Variants in SAMD5 observed in about 807,000 individuals in gnomAD.
The protein encoded by SAMD5 is sterile alpha motif domain-containing protein 5.
A neutral mutation model predicts 11.3 loss-of-function variants in SAMD5; 13 were observed. That is an observed-to-expected ratio of 1.15 (90% CI 0.75 to 1.83). The LOEUF is 1.83. SAMD5 is among the 40% of genes most tolerant of loss of function. SAMD5 has a pLI of 0.00. For synonymous variants in SAMD5, 129 were observed against 111.3 expected (o/e 1.16, Z -1.00); for missense variants, 255 against 239.1 (o/e 1.07, Z -0.44).
chr6:147,616,266 C>T (rs1245857889), intron 1 of SAMD5, among the ~76,000 whole-genome samples: 1 of 136,832 alleles, frequency 7.3e-6, no homozygotes, highest in Non-Finnish European at 1.5e-5. Context: ...ATATATATTT[C>T]ATATATATTT....
At chr6:147,767,221 A>G in the SAMD5 span, among the ~76,000 whole-genome samples, 1 of 152,190 alleles carries the variant, frequency 6.6e-6, no homozygotes, top group Non-Finnish European at 1.5e-5. Context: ...CTGTGCAGAA[A>G]GTTTACTGAG....
the SAMD5 span, among the ~76,000 whole-genome samples, chr6:147,901,092 G>A: frequency 3.3e-5 from 5 of 152,124 alleles, no homozygotes; most frequent in Admixed American, 2.6e-4. Context: ...CACTCTGAGC[G>A]AGTCAGTTAA....
chr6:147,941,484 C>T, the SAMD5 span, among the ~76,000 whole-genome samples: 1 of 152,200 alleles, frequency 6.6e-6, no homozygotes, highest in South Asian at 2.1e-4. Context: ...ATCATGGAGG[C>T]TTTCAACTGC....
the SAMD5 span, among the ~76,000 whole-genome samples, chr6:147,841,207 A>G: frequency 6.6e-5 from 10 of 152,172 alleles, no homozygotes; most frequent in African/African-American, 2.4e-4. Context: ...GATATCATCC[A>G]GAGGAGCATT....
chr6:147,511,992 G>T (rs1427747815), intron 1 of SAMD5, among the ~76,000 whole-genome samples: 1 of 152,142 alleles, frequency 6.6e-6, no homozygotes, highest in East Asian at 1.9e-4. Flanking sequence ...GTCTCATTCT[G>T]TTGCCCAGGC....
At chr6:147,899,816 G>A in the SAMD5 span, among the ~76,000 whole-genome samples, 40 of 152,152 alleles carry the variant, frequency 2.6e-4, no homozygotes, top group African/African-American at 9.7e-4. Context: ...TCCACAATTA[G>A]TTAGAAGAGC....
the SAMD5 span, among the ~76,000 whole-genome samples, chr6:147,831,006 T>A: frequency 6.6e-6 from 1 of 152,202 alleles, no homozygotes; most frequent in South Asian, 2.1e-4. Context: ...CTCACAAACA[T>A]AAAAGCTTCA....
intron 1 of SAMD5, among the ~76,000 whole-genome samples, chr6:147,537,623 G>A (rs1308973007): frequency 3.3e-5 from 5 of 151,918 alleles, no homozygotes; most frequent in African/African-American, 7.3e-5. Flanking sequence ...GCGTGGTGGC[G>A]GGCACCTGTA....
intron 1 of SAMD5, among the ~76,000 whole-genome samples, chr6:147,608,929 C>CTA (rs1057270879): frequency 4.0e-5 from 6 of 151,060 alleles, no homozygotes; most frequent in Admixed American, 6.6e-5. Flanking sequence ...TATGTACCTA[C>CTA]TATATATATA....
chr6:147,623,186 C>T (rs79859770), intron 1 of SAMD5, among the ~76,000 whole-genome samples: 16,704 of 152,232 alleles, frequency 0.11, 1,046 homozygotes, highest in East Asian at 0.25. Context: ...AGCCTGTCAG[C>T]TGTGTGTTGT....
chr6:147,811,088 C>A, the SAMD5 span, among the ~76,000 whole-genome samples: 1,014 of 152,302 alleles, frequency 6.7e-3, 6 homozygotes, highest in Middle Eastern at 0.024. Flanking sequence ...AATAATAACA[C>A]CCACCTGTGG....
intron 1 of SAMD5, among the ~76,000 whole-genome samples, chr6:147,613,703 A>G (rs902329701): frequency 1.6e-4 from 24 of 151,540 alleles, no homozygotes; most frequent in Admixed American, 5.3e-4. Flanking sequence ...ACAGAAAGAG[A>G]TGGAGAAGAA....
At chr6:147,856,820 G>A in the SAMD5 span, among the ~76,000 whole-genome samples, 10 of 62,106 alleles carry the variant, frequency 1.6e-4, no homozygotes, top group South Asian at 1.5e-3. Context: ...TTCTGGGGGC[G>A]CGGGGGGGGG....
the SAMD5 span, among the ~76,000 whole-genome samples, chr6:147,787,035 A>G: frequency 1.9e-3 from 288 of 152,348 alleles, 1 homozygote; most frequent in Non-Finnish European, 3.2e-3. Context: ...CAGGAAGTCT[A>G]TAAGTATAAG....
At chr6:147,768,276 C>T in the SAMD5 span, among the ~76,000 whole-genome samples, 3 of 152,008 alleles carry the variant, frequency 2.0e-5, no homozygotes, top group African/African-American at 7.2e-5. Context: ...GGTGGGCAAA[C>T]CACCTGAGGT....
At chr6:147,856,666 A>G in the SAMD5 span, among the ~76,000 whole-genome samples, 1 of 152,148 alleles carries the variant, frequency 6.6e-6, no homozygotes, top group Non-Finnish European at 1.5e-5. Context: ...ACACTGTGCT[A>G]GATATGCTCG....
chr6:147,901,653 C>A, the SAMD5 span, among the ~76,000 whole-genome samples: 1 of 152,204 alleles, frequency 6.6e-6, no homozygotes, highest in Admixed American at 6.5e-5. Flanking sequence ...GCATCTGTAT[C>A]TGAAAGAGTG....
At position 147,699,846 on chromosome 6, in the gene SAMD5, C is replaced by T. The variant is rs922032255; in HGVS notation, c.163-37471C>T. Among the ~76,000 whole-genome samples the T allele has an allele frequency of 3.9e-5, 6 of 152,250 alleles. No individual in the cohort carries two copies. In the East Asian group the frequency reaches 7.7e-4, roughly 20 times the overall value. ...AGCTGCTGTTTGAGGTTAGGAGAAG[C>T]GAGTCATGCAAGGACCTGAACGAAT... is the stretch of plus-strand genomic sequence containing the variant. On this transcript the variant is annotated intron_variant, in intron 1 of 1. Transcript: ENST00000566741.
the SAMD5 span, among the ~76,000 whole-genome samples, chr6:147,803,122 C>A: frequency 7.3e-6 from 1 of 136,790 alleles, no homozygotes; most frequent in South Asian, 2.4e-4. Context: ...AGACTTTTGG[C>A]CTTCCTTTCT....
Sources: gnomAD v4.1 joint callset for allele counts (sites outside exome capture counted in the v4.1 genomes callset) on GRCh38, gnomAD v4.1.1 for gene constraint, MANE v1.5 for transcripts, NCBI Gene and HGNC (gene_info 2026-07-23, HGNC 2026-07-21) for gene names.